Variants in KDM4A observed in about 807,000 individuals in gnomAD.
KDM4A encodes lysine-specific demethylase 4A.
KDM4A carries 23 observed loss-of-function variants against 127.1 expected under a neutral mutation model. The ratio of observed to expected loss-of-function variants is 0.18; its 90% CI spans 0.13 to 0.26. The LOEUF is 0.26. KDM4A is among the 10% of genes least tolerant of loss of function. KDM4A has a pLI of 1.00. For missense variants in KDM4A, 890 were observed against 1,329.1 expected, an observed-to-expected ratio of 0.67 and a Z score of 5.14; for synonymous variants, 443 against 466.5, an observed-to-expected ratio of 0.95 and a Z score of 0.65.
rs1321110757 is a variant in KDM4A at position 43,694,322 on chromosome 1, G to C, written c.2484+220G>C. 6.6e-6 allele frequency among the ~76,000 whole-genome samples: 1 copy of C among 152,046 alleles called. No individual in the cohort carries two copies. The highest frequency in any genetic ancestry group is 1.9e-4 in the East Asian group (1 of 5,176). ...ACTTGAGGTCAGGAGTTCAAGACCAGCCTGGGCAACATGGTGAAACCCCGA... is the reference window on the plus strand; with the variant it reads ...ACTTGAGGTCAGGAGTTCAAGACCACCCTGGGCAACATGGTGAAACCCCGA... On this transcript the variant is annotated intron_variant, in intron 17 of 21. Coordinates refer to ENST00000372396, the MANE Select transcript of KDM4A (RefSeq NM_014663.3). This position sits in a 1 kb window ranked among gnomAD's most constrained non-coding sequence, Gnocchi z 5.2.
intron 4 of KDM4A, among the ~76,000 whole-genome samples, chr1:43,661,534 G>A (rs1370061810): frequency 1.3e-5 from 2 of 149,874 alleles, no homozygotes; most frequent in Non-Finnish European, 3.0e-5. Flanking sequence ...TGAACCCGGC[G>A]GGAGGCAGAG....
At chr1:43,691,599 T>C (rs1207483933) in intron 15 of KDM4A, 27 bp downstream of exon 15, 1 of 1,593,826 alleles carries the variant, frequency 6.3e-7, no homozygotes, top group South Asian at 1.1e-5. Flanking sequence ...TGTTACTGTC[T>C]TCACCATGAG....
At chr1:43,676,088 T>TTA (rs1373266713) in intron 11 of KDM4A, among the ~76,000 whole-genome samples, 97 of 91,208 alleles carry the variant, frequency 1.1e-3, no homozygotes, top group African/African-American at 4.0e-3. Context: ...CTCAAAAAGA[T>TTA]AAAAAAAAAA....
chr1:43,667,203 A>G, intron 8 of KDM4A, 112 bp downstream of exon 8: 1 of 1,209,396 alleles, frequency 8.3e-7, no homozygotes, highest in Non-Finnish European at 1.2e-6. Context: ...ATTCAGAAAC[A>G]AGCAGCTAGC....
chr1:43,674,516 C>CTTTTTTTT (rs35692956), intron 11 of KDM4A, among the ~76,000 whole-genome samples: 1 of 145,572 alleles, frequency 6.9e-6, no homozygotes, highest in Non-Finnish European at 1.5e-5. Flanking sequence ...GGCCCTGCTA[C>CTTTTTTTT]TTTTTTTTTT....
chr1:43,667,777 C>T lies in KDM4A; in HGVS notation c.921C>T (p.Ser307=), dbSNP rs151309854. 20 of 1,614,076 alleles carry T rather than the reference C, an allele frequency of 1.2e-5. No individual in the cohort carries two copies. In the African/African-American group the frequency reaches 2.1e-4, roughly 17 times the overall value. ...IEYGKQAVLC[S]CRKDMVKISM... ...CTTCTGGTTCCTGCTGACAGTGCTC[C>T]TGTAGAAAGGACATGGTGAAGATCT... is the stretch of plus-strand genomic sequence containing the variant. The change falls in exon 9 of 22, where the codon TCC becomes TCT. Residue 307 remains serine, a synonymous_variant. Transcript: ENST00000372396.
rs189686566 is a variant in KDM4A, at chr1:43,677,178, T to C, written c.1734+5303T>C. ...TGGCCAACATGGTGAAACCTTGTCT[T>C]TACTAAAAATACAAAAATTAGCCAG... On this transcript the variant is annotated intron_variant, in intron 11 of 21. Coordinates refer to ENST00000372396, the MANE Select transcript of KDM4A (RefSeq NM_014663.3). Among the ~76,000 whole-genome samples, 905 of 151,874 alleles carry C rather than the reference T, an allele frequency of 6.0e-3. 10 individuals are homozygous for C. The highest frequency in any genetic ancestry group is 0.021 in the African/African-American group (866 of 41,410).
At chr1:43,668,572 A>T (rs1660551633) in intron 9 of KDM4A, among the ~76,000 whole-genome samples, 1 of 152,138 alleles carries the variant, frequency 6.6e-6, no homozygotes, top group African/African-American at 2.4e-5. Context: ...GGCGTCAGTT[A>T]TATGAGGGTC....
chr1:43,703,160 T>C lies in KDM4A; in HGVS notation c.2842-457T>C, dbSNP rs140820462. On this transcript the variant is annotated intron_variant, in intron 19 of 21. Transcript: ENST00000372396. Reference sequence around the variant, plus strand: ...GGTTTCACCATGTTAGCCAGGATGGTCTTGATCTCCTGACCTGGTGATCTG... The same window carrying C: ...GGTTTCACCATGTTAGCCAGGATGGCCTTGATCTCCTGACCTGGTGATCTG... Among the ~76,000 whole-genome samples, 120 of 152,072 alleles carry C rather than the reference T, an allele frequency of 7.9e-4. 3 individuals carry two copies. The East Asian group carries it at 0.023, about 29-fold the overall frequency.
At chr1:43,671,371 C>T in intron 10 of KDM4A, 134 bp from the exon 11 acceptor site, 3 of 924,658 alleles carry the variant, frequency 3.2e-6, no homozygotes, top group Non-Finnish European at 4.7e-6. Flanking sequence ...CACAGTGCCC[C>T]TCAGTGACAG....
chr1:43,688,943 G>A lies in KDM4A; in HGVS notation c.1885G>A (p.Glu629Lys). 6.2e-7 allele frequency: 1 copy of A among 1,614,188 alleles called. No individual in the cohort carries two copies. The highest frequency in any genetic ancestry group is 8.5e-7 in the Non-Finnish European group (1 of 1,180,022). ...ETSEQLTPEE[E>K]AEETEAWAKP... ...ATCTGAACAGCTGACCCCTGAGGAAGAGGCTGAGGAGACAGAGGCCTGGGC... is the reference window on the plus strand; with the variant it reads ...ATCTGAACAGCTGACCCCTGAGGAAAAGGCTGAGGAGACAGAGGCCTGGGC... Residue 629 changes from glutamate (E) to lysine (K), a missense_variant, in exon 13 of 22, where the codon GAG becomes AAG. Glu to Lys is a moderately conservative substitution (Grantham distance 56). Around this residue, in one of 7 missense-constraint regions of KDM4A, gnomAD observed 389 missense variants for 485.9 expected, o/e 0.80. Transcript: ENST00000372396. The surrounding 1 kb of genome is among the most constrained non-coding windows in gnomAD (Gnocchi z 4.4).
At chr1:43,660,477 C>T (rs527781476) in intron 4 of KDM4A, 65 bp downstream of exon 4, 56 of 1,533,848 alleles carry the variant, frequency 3.7e-5, no homozygotes, top group Admixed American at 3.4e-4. Context: ...TTTTTCGGCC[C>T]GGCACGTAGT....
chr1:43,703,791 T>C, intron 20 of KDM4A, 55 bp downstream of exon 20: 2 of 1,607,630 alleles, frequency 1.2e-6, no homozygotes, highest in East Asian at 4.5e-5. Flanking sequence ...AATTCTGTGC[T>C]TCCTGTTGGG....
At chr1:43,669,055 G>A (rs1660561633) in intron 9 of KDM4A, 45 bp from the exon 10 acceptor site, 1 of 1,593,504 alleles carries the variant, frequency 6.3e-7, no homozygotes, top group East Asian at 2.2e-5. Context: ...TTGAGTAAGT[G>A]GATGTATATG....
Position 43,665,762 on chromosome 1 carries a change from G to A in KDM4A, c.673+17G>A. ...TCGCCAAAGGTACTGTGTCTCTTCT[G>A]TTTGCTGGATTGGACCCTCCTATGA... On this transcript the variant is annotated intron_variant, in intron 6 of 21. Coordinates refer to ENST00000372396, the MANE Select transcript of KDM4A (RefSeq NM_014663.3). The A allele has an allele frequency of 6.2e-7, 1 of 1,613,824 alleles. No individual in the cohort carries two copies. Among genetic ancestry groups the A allele is most frequent in the Non-Finnish European group, 8.5e-7 (1 of 1,179,774 alleles).
intron 14 of KDM4A, 59 bp from the exon 15 acceptor site, chr1:43,691,437 A>C: frequency 7.2e-7 from 1 of 1,397,826 alleles, no homozygotes; most frequent in Non-Finnish European, 1.0e-6. Flanking sequence ...AGGAATTGCA[A>C]ATCTACCTTT....
chr1:43,658,090 A>G (rs1054113776), intron 3 of KDM4A, among the ~76,000 whole-genome samples: 24 of 116,958 alleles, frequency 2.1e-4, no homozygotes, highest in African/African-American at 7.2e-4. Flanking sequence ...TTTTTTTTTG[A>G]GACAGAGTCT....
chr1:43,674,461 A>T (rs1457585412), intron 11 of KDM4A, among the ~76,000 whole-genome samples: 1 of 151,948 alleles, frequency 6.6e-6, no homozygotes, highest in African/African-American at 2.4e-5. Flanking sequence ...CTTTATTTAC[A>T]AGTTAAAATG....
At chr1:43,685,837 T>C (rs930652562) in intron 12 of KDM4A, among the ~76,000 whole-genome samples, 1 of 152,064 alleles carries the variant, frequency 6.6e-6, no homozygotes, top group African/African-American at 2.4e-5. Context: ...CAGTCAGAAG[T>C]GTGGCAGGAC....
Sources: allele counts gnomAD v4.1 joint callset (sites outside exome capture counted in the v4.1 genomes callset), GRCh38; gene constraint gnomAD v4.1.1; regional missense constraint gnomAD v4.1.1; non-coding constraint Gnocchi (gnomAD v3.1); transcripts MANE v1.5; gene names NCBI Gene and HGNC (gene_info 2026-07-23, HGNC 2026-07-21).